Variants in NOM1 observed in about 807,000 individuals in gnomAD.
NOM1 encodes nucleolar protein with MIF4G domain 1, also known as nucleolar MIF4G domain-containing protein 1.
A neutral mutation model predicts 73.3 loss-of-function variants in NOM1; 58 were observed. The observed-to-expected ratio is 0.79, with a 90% CI of 0.64 to 0.99. The LOEUF is 0.99. NOM1 is among the 50% of genes least tolerant of loss of function. The pLI, the probability that NOM1 is intolerant of heterozygous loss-of-function variation, is 0.00. For missense variants in NOM1, 1,226 were observed against 1,131.9 expected (o/e 1.08, Z -1.19); for synonymous variants, 487 against 446.8 (o/e 1.09, Z -1.14).
intron 7 of NOM1, 111 bp downstream of exon 7, chr7:156,964,137 T>C (rs1457341690): frequency 1.7e-6 from 2 of 1,149,938 alleles, no homozygotes; most frequent in Admixed American, 2.2e-5. Context: ...TAGGGAGGAC[T>C]GGGCTGTTCT....
rs116778582 is a variant in NOM1 at position 156,950,452 on chromosome 7, G to C, written c.715G>C (p.Glu239Gln). 6.2e-7 allele frequency: 1 copy of C among 1,614,062 alleles called. No individual in the cohort carries two copies. The highest frequency in any genetic ancestry group is 1.7e-5 in the Admixed American group (1 of 60,030). Reference sequence around the variant, plus strand: ...CTTGTACGACAGCAGTGGTGAGGAGGAGGAAGATGCCGGACAGACACTCCC... The same window carrying C: ...CTTGTACGACAGCAGTGGTGAGGAGCAGGAAGATGCCGGACAGACACTCCC... Reference protein sequence around the residue: ...SGLYDSSGEEEEDAGQTLPES... With the variant: ...SGLYDSSGEEQEDAGQTLPES... The change falls in exon 1 of 11, where the codon GAG (glutamate) becomes CAG (glutamine). Residue 239 changes from glutamate (E) to glutamine (Q), a missense_variant. By Grantham distance (29) the Glu-to-Gln change is conservative. Transcript: ENST00000275820.
At chr7:156,951,191 T>G (rs1586563083) in intron 1 of NOM1, among the ~76,000 whole-genome samples, 2 of 152,030 alleles carry the variant, frequency 1.3e-5, no homozygotes, top group Non-Finnish European at 2.9e-5. Flanking sequence ...TGAGGTCAGG[T>G]GTTTGAGACC....
Position 156,950,722 on chromosome 7 carries a change from A to G in NOM1, c.985A>G (p.Lys329Glu), listed in dbSNP as rs936267372. Residue 329 changes from lysine to glutamate, a missense_variant and splice_region_variant, in exon 1 of 11, where the codon AAG becomes GAG. Physicochemically the swap from Lys to Glu is moderately conservative, Grantham distance 56. Transcript: ENST00000275820. Reference protein sequence around the residue: ...NSSEDGDITDKSLCGSGEKYI... With the variant: ...NSSEDGDITDESLCGSGEKYI... ...CTCGGAGGACGGTGACATAACGGAT[A>G]AGGTATCGTGTGAACACTCTCTAGG... 5.8e-6 allele frequency: 9 copies of G among 1,550,898 alleles called. No homozygotes were observed. In the African/African-American group the frequency reaches 6.9e-5, roughly 12 times the overall value.
Position 156,962,205 on chromosome 7 carries a change from A to T in NOM1, c.1687A>T (p.Ile563Phe), listed in dbSNP as rs1804882263. 1 of 1,614,030 alleles carries T rather than the reference A, an allele frequency of 6.2e-7. No homozygotes were observed. The highest frequency in any genetic ancestry group is 1.1e-5 in the South Asian group (1 of 91,088). Reference sequence around the variant, plus strand: ...CCTGAAGAACAATGACATGCGCAAAATTCCAGGCTATGACCCCGAGCCCGT... The same window carrying T: ...CCTGAAGAACAATGACATGCGCAAATTTCCAGGCTATGACCCCGAGCCCGT... ...LALKNNDMRK[I>F]PGYDPEPVEK... Residue 563 changes from isoleucine (I) to phenylalanine (F), a missense_variant, in exon 5 of 11, where the codon ATT becomes TTT. Coordinates refer to ENST00000275820, the MANE Select transcript of NOM1 (RefSeq NM_138400.2).
rs551580655 is a variant in NOM1 at position 156,963,792 on chromosome 7, C to G, written c.1912-113C>G. 3 of 1,286,086 alleles carry G rather than the reference C, an allele frequency of 2.3e-6. No homozygotes were observed. The East Asian group carries it at 7.2e-5, about 31-fold the overall frequency. 79.7% of individuals were successfully genotyped at this position (1,286,086 alleles called of 1,614,324 possible). A position where few individuals can be genotyped will look rare whatever the true frequency, so the allele number is the denominator to read the frequency against. On this transcript the variant is annotated intron_variant, in intron 6 of 10. Coordinates refer to ENST00000275820, the MANE Select transcript of NOM1 (RefSeq NM_138400.2). ...CCGAGAGTGGACTTGGTGCCATCCG[C>G]CCACGTAGACCTCACAGTTCTATTC... is the stretch of plus-strand genomic sequence containing the variant.
intron 9 of NOM1, chr7:156,968,730 T>G: frequency 1.1e-5 from 1 of 93,508 alleles, no homozygotes; most frequent in Non-Finnish European, 2.2e-5. Context: ...TATATATATA[T>G]ATAGTTTTAA....
At chr7:156,961,818 T>TG (rs1804869765) in intron 4 of NOM1, among the ~76,000 whole-genome samples, 1 of 150,530 alleles carries the variant, frequency 6.6e-6, no homozygotes, top group African/African-American at 2.4e-5. Flanking sequence ...GGGGCCAGGG[T>TG]GGGAGCAGGA....
chr7:156,968,194 C>G (rs1402550063), intron 9 of NOM1, among the ~76,000 whole-genome samples: 2 of 152,310 alleles, frequency 1.3e-5, no homozygotes, highest in East Asian at 3.9e-4. Flanking sequence ...GCGTTGCTCC[C>G]CCTCCGCTCC....
At chr7:156,952,337 T>A (rs1804614725) in intron 1 of NOM1, 137 bp from the exon 2 acceptor site, 3 of 857,706 alleles carry the variant, frequency 3.5e-6, no homozygotes, top group Non-Finnish European at 5.4e-6. Flanking sequence ...ATAAATCTGA[T>A]GTATTTAAGC....
chr7:156,953,208 C>T (rs564395702), intron 2 of NOM1, among the ~76,000 whole-genome samples: 21 of 152,288 alleles, frequency 1.4e-4, no homozygotes, highest in African/African-American at 4.3e-4. Flanking sequence ...ACTGCAACCT[C>T]TGCCTCCACC....
chr7:156,954,478 G>T (rs185094247), intron 3 of NOM1, among the ~76,000 whole-genome samples, 180 bp downstream of exon 3: 1 of 107,028 alleles, frequency 9.3e-6, no homozygotes, highest in East Asian at 2.3e-4. Context: ...GGAAGTACTT[G>T]ATTACTTGAT....
At position 156,962,277 on chromosome 7, in the gene NOM1, T is replaced by G. The variant is rs554921239; in HGVS notation, c.1743+16T>G. 1.9e-6 allele frequency: 3 copies of G among 1,590,802 alleles called. No homozygotes were observed. Among genetic ancestry groups the G allele is most frequent in the East Asian group, 4.5e-5 (2 of 44,746 alleles). On this transcript the variant is annotated intron_variant, in intron 5 of 10. Coordinates refer to ENST00000275820, the MANE Select transcript of NOM1 (RefSeq NM_138400.2). Reference sequence around the variant, plus strand: ...GAGAGCTTTGGTGAGTCAAGGAACTTTCAATTCTGTTTTGCTCAGAGCTTC... The same window carrying G: ...GAGAGCTTTGGTGAGTCAAGGAACTGTCAATTCTGTTTTGCTCAGAGCTTC...
intron 3 of NOM1, among the ~76,000 whole-genome samples, chr7:156,959,432 G>C (rs540859823): frequency 6.6e-6 from 1 of 152,074 alleles, no homozygotes; most frequent in East Asian, 1.9e-4. Context: ...AGTAGAAACG[G>C]GGTTTCACCG....
rs1261661516 is a variant in NOM1 at position 156,949,931 on chromosome 7, G to A, written c.194G>A (p.Cys65Tyr). Reference protein sequence around the residue: ...ATSEGEAPGGCEGRGAPVSFR... With the variant: ...ATSEGEAPGGYEGRGAPVSFR... ...TCGGAAGGCGAGGCTCCCGGGGGTT[G>A]CGAGGGGCGCGGCGCCCCGGTGAGC... Residue 65 changes from cysteine (C) to tyrosine (Y), a missense_variant, in exon 1 of 11, where the codon TGC becomes TAC. Coordinates refer to ENST00000275820, the MANE Select transcript of NOM1 (RefSeq NM_138400.2). 6.5e-7 allele frequency: 1 copy of A among 1,542,238 alleles called. No homozygotes were observed. The highest frequency in any genetic ancestry group is 1.2e-5 in the South Asian group (1 of 83,966).
At chr7:156,952,735 C>T (rs968642382) in intron 2 of NOM1, 137 bp downstream of exon 2, 25 of 927,386 alleles carry the variant, frequency 2.7e-5, no homozygotes, top group Middle Eastern at 3.4e-4. Flanking sequence ...CTTGATGCAC[C>T]GAGACCCATG....
In NOM1 at chr7:156,952,513, G is replaced by A. The variant is rs1268200780; in HGVS notation, c.1027G>A (p.Val343Met). The A allele has an allele frequency of 1.9e-6, 3 of 1,614,024 alleles. No individual in the cohort carries two copies. The highest frequency in any genetic ancestry group is 1.1e-5 in the South Asian group (1 of 91,054). The change falls in exon 2 of 11, where the codon GTG becomes ATG. Residue 343 changes from valine (V) to methionine (M), a missense_variant. Val to Met is a conservative substitution (Grantham distance 21). Transcript: ENST00000275820. The stretch of plus-strand genomic sequence containing the variant: ...TGGTGAAAAGTACATCCCACCTCAT[G>A]TGAGGCAAGCTGAGGAGACAGTGGA... ...GSGEKYIPPH[V>M]RQAEETVDFK... is the part of the protein sequence containing the mutation.
chr7:156,958,065 C>T (rs529006973), intron 3 of NOM1, among the ~76,000 whole-genome samples: 114 of 152,316 alleles, frequency 7.5e-4, no homozygotes, highest in East Asian at 7.7e-4. Flanking sequence ...CAGTCTGTTG[C>T]CTTTCTCTGG....
In NOM1 at chr7:156,963,132, A is replaced by G. The variant is rs752201654; in HGVS notation, c.1868A>G (p.Asp623Gly). ...GCCTGGAGTGGGGCCCCGATGATCG[A>G]CAACAGTCACCATACGCACCTGCAG... ...GSAWSGAPMI[D>G]NSHHTHLQKQ... The change falls in exon 6 of 11, where the codon GAC (aspartate) becomes GGC (glycine). Residue 623 changes from aspartate to glycine, a missense_variant. Asp to Gly is a moderately conservative substitution (Grantham distance 94). Transcript: ENST00000275820. The G allele has an allele frequency of 1.4e-5, 23 of 1,614,146 alleles. No homozygotes were observed. In the South Asian group the frequency reaches 2.5e-4, roughly 18 times the overall value.
At chr7:156,965,900 CA>C (rs1736629728) in intron 7 of NOM1, among the ~76,000 whole-genome samples, 1 of 120,048 alleles carries the variant, frequency 8.3e-6, no homozygotes, top group African/African-American at 3.0e-5. Flanking sequence ...GGTGACAGAG[CA>C]AGACTGTCTC....
Sources: gnomAD v4.1 joint callset for allele counts (sites outside exome capture counted in the v4.1 genomes callset) on GRCh38, gnomAD v4.1.1 for gene constraint, MANE v1.5 for transcripts, NCBI Gene and HGNC (gene_info 2026-07-23, HGNC 2026-07-21) for gene names.